The following AGPS variants were observed in gnomAD, a reference collection of about 807,000 sequenced individuals.
The protein encoded by AGPS is alkyldihydroxyacetonephosphate synthase, peroxisomal.
A neutral mutation model predicts 90.7 loss-of-function variants in AGPS; 26 were observed. The ratio of observed to expected loss-of-function variants is 0.29; its 90% CI spans 0.21 to 0.40. The LOEUF is 0.40. Among genes scored for constraint, AGPS ranks in the 10% least tolerant of loss-of-function variants. The pLI, the probability that AGPS is intolerant of heterozygous loss-of-function variation, is 1.00. For missense variants in AGPS, 540 were observed against 816.1 expected (o/e 0.66, Z 4.12); for synonymous variants, 294 against 285.3 (o/e 1.03, Z -0.31).
rs536012552 is a variant in AGPS, at chr2:177,488,022, T to C, written c.1234-5126T>C. ...AGTTCTTATTGTTTATCATACGGACTCCTAGCTGTAAGTCAGTATGTCATC... is the reference window on the plus strand; with the variant it reads ...AGTTCTTATTGTTTATCATACGGACCCCTAGCTGTAAGTCAGTATGTCATC... On this transcript the variant is annotated intron_variant, in intron 11 of 19. Coordinates refer to ENST00000264167, the MANE Select transcript of AGPS (RefSeq NM_003659.4). Among the ~76,000 whole-genome samples, 73 of 152,248 alleles carry C rather than the reference T, an allele frequency of 4.8e-4. 1 individual carries two copies. Among genetic ancestry groups the C allele is most frequent in the Middle Eastern group, 3.4e-3 (1 of 294 alleles).
chr2:177,511,424 C>G (rs940801602), intron 16 of AGPS, among the ~76,000 whole-genome samples: 4 of 151,814 alleles, frequency 2.6e-5, no homozygotes, highest in Non-Finnish European at 5.9e-5. Flanking sequence ...GAGACACCAG[C>G]AAGTCTTCTG....
At chr2:177,443,314 A>G (rs945262484) in intron 7 of AGPS, among the ~76,000 whole-genome samples, 1 of 152,128 alleles carries the variant, frequency 6.6e-6, no homozygotes, top group Admixed American at 6.5e-5. Context: ...TTTGCTTTCC[A>G]TTGTAGCTCT....
chr2:177,420,396 ATTCT>A lies in AGPS; in HGVS notation c.350+47_350+50del, dbSNP rs747512770. The A allele has an allele frequency of 9.5e-5, 138 of 1,446,888 alleles. No homozygotes were observed. In the Admixed American group the frequency reaches 1.2e-3, roughly 12 times the overall value. The allele number at this position is 1,446,888 out of a possible 1,614,324, so 89.6% of individuals were successfully genotyped here. A position where few individuals can be genotyped will look rare whatever the true frequency, so the allele number is the denominator to read the frequency against. On this transcript the variant is annotated intron_variant, in intron 2 of 19. Coordinates refer to ENST00000264167, the MANE Select transcript of AGPS (RefSeq NM_003659.4). ...TATTTCTTCTTTTGTTCCTCCTTTAATTCTTTCTTTCTATGAAAAATTTTAAACA... is the reference window on the plus strand; with the variant it reads ...TATTTCTTCTTTTGTTCCTCCTTTAATTCTTTCTATGAAAAATTTTAAACA...
At position 177,436,408 on chromosome 2, in the gene AGPS, C is replaced by T. The variant is rs760760613; in HGVS notation, c.442-356C>T. On this transcript the variant is annotated intron_variant, in intron 3 of 19. Coordinates refer to ENST00000264167, the MANE Select transcript of AGPS (RefSeq NM_003659.4). ...CTCGTGATCTGCCCTTCTTGGCCTC[C>T]GAAAGTGCTGGGATTACAGGCGTGA... Among the ~76,000 whole-genome samples the T allele has an allele frequency of 5.9e-5, 9 of 151,920 alleles. No individual in the cohort carries two copies. The South Asian group carries it at 8.3e-4, about 14-fold the overall frequency.
At chr2:177,496,777 G>C (rs899337424) in intron 12 of AGPS, among the ~76,000 whole-genome samples, 1 of 152,008 alleles carries the variant, frequency 6.6e-6, no homozygotes, top group Non-Finnish European at 1.5e-5. Flanking sequence ...GATAGTTTTA[G>C]AAACAGCTAG....
In AGPS at chr2:177,501,717, G is replaced by C. The variant is rs184404382; in HGVS notation, c.1475+1987G>C. On this transcript the variant is annotated intron_variant, in intron 14 of 19. Transcript: ENST00000264167. ...GAGTCTTGCTCTGTCACCCAGGCTG[G>C]AGTGCAGTGGTGTGATCTCAGCTCA... is the stretch of plus-strand genomic sequence containing the variant. Among the ~76,000 whole-genome samples the C allele has an allele frequency of 2.8e-3, 420 of 152,246 alleles. 2 individuals carry two copies. Among genetic ancestry groups the C allele is most frequent in the African/African-American group, 9.6e-3 (399 of 41,546 alleles).
intron 6 of AGPS, among the ~76,000 whole-genome samples, chr2:177,441,958 G>A (rs971409031): frequency 3.9e-5 from 6 of 152,112 alleles, no homozygotes; most frequent in African/African-American, 9.7e-5. Flanking sequence ...AAGCTTTTTT[G>A]TATAAGAATA....
At chr2:177,428,584 T>G (rs1278535089) in intron 2 of AGPS, among the ~76,000 whole-genome samples, 6 of 152,232 alleles carry the variant, frequency 3.9e-5, no homozygotes, top group Non-Finnish European at 8.8e-5. Flanking sequence ...GAAGCTTAGT[T>G]TGGCTGGATA....
chr2:177,486,866 C>T (rs1559068257), intron 11 of AGPS, among the ~76,000 whole-genome samples: 2 of 151,270 alleles, frequency 1.3e-5, no homozygotes, highest in Non-Finnish European at 2.9e-5. Flanking sequence ...TACTTCACTG[C>T]CTTGTGAGAA....
intron 12 of AGPS, among the ~76,000 whole-genome samples, chr2:177,497,103 G>A (rs1201503684): frequency 6.6e-6 from 1 of 151,930 alleles, no homozygotes; most frequent in Non-Finnish European, 1.5e-5. Context: ...TAATCTGCAG[G>A]CAAAGATGTT....
chr2:177,495,382 A>G (rs1183638324), intron 12 of AGPS, among the ~76,000 whole-genome samples: 2 of 152,198 alleles, frequency 1.3e-5, no homozygotes, highest in African/African-American at 4.8e-5. Context: ...AATGACTCAA[A>G]GACTCATTAT....
chr2:177,406,371 G>T (rs1685467304), intron 1 of AGPS, among the ~76,000 whole-genome samples: 1 of 152,148 alleles, frequency 6.6e-6, no homozygotes, highest in African/African-American at 2.4e-5. Context: ...ATATATAAAA[G>T]ATATGATGTA....
chr2:177,401,737 G>GT (rs1475216457), intron 1 of AGPS, among the ~76,000 whole-genome samples: 1 of 152,082 alleles, frequency 6.6e-6, no homozygotes, highest in East Asian at 1.9e-4. Context: ...TAGAGATGGG[G>GT]TTTCACCCTG....
At chr2:177,393,418 C>T in intron 1 of AGPS, 1 of 985,342 alleles carries the variant, frequency 1.0e-6, no homozygotes, top group Non-Finnish European at 1.2e-6. Flanking sequence ...CTATTTTTCT[C>T]CGAGGAGATA....
At chr2:177,528,786 A>C (rs1289612285) in intron 19 of AGPS, among the ~76,000 whole-genome samples, 1 of 151,674 alleles carries the variant, frequency 6.6e-6, no homozygotes, top group Non-Finnish European at 1.5e-5. Context: ...GCCCAAATAA[A>C]TGCTCACAGA....
intron 8 of AGPS, among the ~76,000 whole-genome samples, chr2:177,458,238 G>T (rs1000993621): frequency 1.3e-5 from 2 of 152,124 alleles, no homozygotes; most frequent in Non-Finnish European, 2.9e-5. Flanking sequence ...ATATCATACC[G>T]AATGGGCAAA....
At chr2:177,501,901 C>T (rs1214342115) in intron 14 of AGPS, among the ~76,000 whole-genome samples, 3 of 152,094 alleles carry the variant, frequency 2.0e-5, no homozygotes, top group East Asian at 1.9e-4. Flanking sequence ...CTCCTGACCT[C>T]GTGGTCCACC....
chr2:177,538,272 T>C lies in AGPS; in HGVS notation c.*77T>C, dbSNP rs1280678925. ...CTGTGGTTATACTAGTAATCAAATATATCATGGACTATATTTTGGATACAT... is the reference window on the plus strand; with the variant it reads ...CTGTGGTTATACTAGTAATCAAATACATCATGGACTATATTTTGGATACAT... On this transcript the variant is annotated 3_prime_UTR_variant, in exon 20 of 20. Coordinates refer to ENST00000264167, the MANE Select transcript of AGPS (RefSeq NM_003659.4). 1.4e-6 allele frequency: 2 copies of C among 1,395,534 alleles called. No individual in the cohort carries two copies. Among genetic ancestry groups the C allele is most frequent in the Non-Finnish European group, 2.0e-6 (2 of 990,046 alleles). 86.4% of individuals were successfully genotyped at this position (1,395,534 alleles called of 1,614,324 possible). A position where few individuals can be genotyped will look rare whatever the true frequency, so the allele number is the denominator to read the frequency against.
intron 7 of AGPS, among the ~76,000 whole-genome samples, chr2:177,443,161 C>G (rs768882591): frequency 2.6e-5 from 4 of 152,092 alleles, no homozygotes; most frequent in African/African-American, 9.7e-5. Flanking sequence ...AGGACATTTT[C>G]TCACATAACT....
Sources: gnomAD v4.1 joint callset for allele counts (sites outside exome capture counted in the v4.1 genomes callset) on GRCh38, gnomAD v4.1.1 for gene constraint, MANE v1.5 for transcripts, NCBI Gene and HGNC (gene_info 2026-07-23, HGNC 2026-07-21) for gene names.